NCKAP1L: variants seen among roughly 807,000 people sequenced by gnomAD.
The protein encoded by NCKAP1L is NCK associated protein 1 like, also known as nck-associated protein 1-like.
In NCKAP1L, 53 loss-of-function variants were observed where a neutral mutation model predicts 139.2. The observed-to-expected ratio is 0.38, with a 90% CI of 0.31 to 0.48. NCKAP1L has a LOEUF of 0.48. Among genes scored for constraint, NCKAP1L ranks in the 20% least tolerant of loss-of-function variants. The pLI, the probability that NCKAP1L is intolerant of heterozygous loss-of-function variation, is 0.98. For synonymous variants in NCKAP1L, 468 were observed against 499.7 expected, an observed-to-expected ratio of 0.94 and a Z score of 0.85; for missense variants, 1,151 against 1,381.9, an observed-to-expected ratio of 0.83 and a Z score of 2.65.
chr12:54,530,360 G>A (rs912452446), intron 22 of NCKAP1L, among the ~76,000 whole-genome samples: 2 of 152,230 alleles, frequency 1.3e-5, no homozygotes, highest in African/African-American at 4.8e-5. Flanking sequence ...GATTTCCCCA[G>A]GCAGGCTTTA....
chr12:54,526,656 C>T lies in NCKAP1L; in HGVS notation c.2285C>T (p.Ala762Val). The T allele has an allele frequency of 1.2e-6, 2 of 1,614,128 alleles. No individual in the cohort carries two copies. The highest frequency in any genetic ancestry group is 1.1e-5 in the South Asian group (1 of 91,080). The change falls in exon 21 of 31, where the codon GCT becomes GTT. Residue 762 changes from alanine to valine, a missense_variant. Ala to Val is a moderately conservative substitution (Grantham distance 64). Transcript: ENST00000293373. The part of the protein sequence containing the change: ...QSLAQFLGAD[A>V]SRVIRNALLQ... The stretch of plus-strand genomic sequence containing the variant: ...CTGGCCCAGTTTTTGGGTGCAGATG[C>T]TTCCAGAGTCATCCGCAACGCCCTC...
At chr12:54,498,879 T>C (rs1956772185) in intron 1 of NCKAP1L, 1 of 829,800 alleles carries the variant, frequency 1.2e-6, no homozygotes, top group South Asian at 5.6e-5. Flanking sequence ...GTCTTGGAAT[T>C]TTTTCTTGAC....
At chr12:54,507,723 A>C in intron 3 of NCKAP1L, 130 bp from the exon 4 acceptor site, 1 of 812,146 alleles carries the variant, frequency 1.2e-6, no homozygotes, top group South Asian at 1.6e-5. Context: ...TCTTTTTCAC[A>C]GTGACTTTTC....
chr12:54,508,741 A>AT (rs1343607560), intron 5 of NCKAP1L, among the ~76,000 whole-genome samples: 1 of 152,136 alleles, frequency 6.6e-6, no homozygotes, highest in Non-Finnish European at 1.5e-5. Context: ...TTATACATGG[A>AT]TTTTTTTCAA....
chr12:54,517,951 A>T lies in NCKAP1L; in HGVS notation c.1338+13A>T, dbSNP rs750334990. 2.7e-5 allele frequency: 43 copies of T among 1,613,800 alleles called. No homozygotes were observed. The Admixed American group carries it at 6.5e-4, about 24-fold the overall frequency. ...TGACATCATTCAGGTATGATATTTA[A>T]TTGATTATACTTTGGAAATTTCAGG... On this transcript the variant is annotated intron_variant, in intron 13 of 30. Coordinates refer to ENST00000293373, the MANE Select transcript of NCKAP1L (RefSeq NM_005337.5).
At chr12:54,538,126 C>G (rs1375406855) in intron 29 of NCKAP1L, among the ~76,000 whole-genome samples, 2 of 152,158 alleles carry the variant, frequency 1.3e-5, no homozygotes. Context: ...TGTCTCCTTC[C>G]AGGAGGAAAC....
intron 20 of NCKAP1L, among the ~76,000 whole-genome samples, chr12:54,524,174 T>C (rs915457203): frequency 6.6e-6 from 1 of 152,186 alleles, no homozygotes; most frequent in Non-Finnish European, 1.5e-5. Context: ...TAGGTGGTTT[T>C]GATGAACACC....
chr12:54,537,868 T>G (rs1285097524), intron 29 of NCKAP1L, among the ~76,000 whole-genome samples: 1 of 152,202 alleles, frequency 6.6e-6, no homozygotes, highest in Non-Finnish European at 1.5e-5. Flanking sequence ...TTAAAAAAAA[T>G]GTTAAAAATT....
Position 54,531,293 on chromosome 12 carries a change from A to C in NCKAP1L, c.2540A>C (p.Tyr847Ser), listed in dbSNP as rs770938032. 1 of 1,614,020 alleles carries C rather than the reference A, an allele frequency of 6.2e-7. No individual in the cohort carries two copies. The highest frequency in any genetic ancestry group is 8.5e-7 in the Non-Finnish European group (1 of 1,179,996). Reference protein sequence around the residue: ...MRALAELLGPYGMKFLSENLM... With the variant: ...MRALAELLGPSGMKFLSENLM... ...GCCTTGGCAGAACTCCTGGGCCCCT[A>C]TGGCATGAAGTTCCTGAGTGAAAAC... Residue 847 changes from tyrosine to serine, a missense_variant, in exon 23 of 31, where the codon TAT (tyrosine) becomes TCT (serine). Physicochemically the swap from Tyr to Ser is moderately radical, Grantham distance 144 (BLOSUM62 -2). Coordinates refer to ENST00000293373, the MANE Select transcript of NCKAP1L (RefSeq NM_005337.5).
intron 20 of NCKAP1L, among the ~76,000 whole-genome samples, chr12:54,525,268 G>C (rs1200469217): frequency 6.6e-6 from 1 of 152,218 alleles, no homozygotes; most frequent in Non-Finnish European, 1.5e-5. Context: ...ATTAGCGGGG[G>C]CAAGGACAGA....
chr12:54,532,108 T>A, intron 25 of NCKAP1L, 62 bp from the exon 26 acceptor site: 6 of 1,174,728 alleles, frequency 5.1e-6, no homozygotes, highest in Non-Finnish European at 7.3e-6. Context: ...TTTTTATTTC[T>A]ACCTATTTTT....
At chr12:54,536,698 C>G (rs1311854544) in intron 28 of NCKAP1L, 1 of 374,934 alleles carries the variant, frequency 2.7e-6, no homozygotes, top group Non-Finnish European at 4.6e-6. Context: ...AACAAAACAC[C>G]AAAACACCCC....
In NCKAP1L at chr12:54,499,442, A is replaced by C; in HGVS notation, c.190A>C (p.Asn64His). Residue 64 changes from asparagine to histidine, a missense_variant, in exon 2 of 31, where the codon AAC becomes CAC. Coordinates refer to ENST00000293373, the MANE Select transcript of NCKAP1L (RefSeq NM_005337.5). ...SLKYINKKFP[N>H]IDVRNSTQHL... The stretch of plus-strand genomic sequence containing the variant: ...CAAGTATATCAACAAGAAATTTCCC[A>C]ACATAGATGTCCGAAACAGCACGGT... The C allele has an allele frequency of 6.3e-7, 1 of 1,599,262 alleles. No individual in the cohort carries two copies. The highest frequency in any genetic ancestry group is 1.1e-5 in the South Asian group (1 of 90,788).
intron 9 of NCKAP1L, among the ~76,000 whole-genome samples, chr12:54,514,626 A>G (rs1956916535): frequency 6.6e-6 from 1 of 152,164 alleles, no homozygotes; most frequent in Non-Finnish European, 1.5e-5. Context: ...CCTGGCCTTG[A>G]ATCTGTGAAT....
At chr12:54,505,982 G>A (rs1956836950) in intron 3 of NCKAP1L, among the ~76,000 whole-genome samples, 3 of 152,130 alleles carry the variant, frequency 2.0e-5, no homozygotes, top group Admixed American at 1.3e-4. Context: ...TTTTTGCTGA[G>A]AACTATTCCA....
At chr12:54,528,523 A>C in intron 22 of NCKAP1L, 146 bp downstream of exon 22, 2 of 942,852 alleles carry the variant, frequency 2.1e-6, no homozygotes, top group Non-Finnish European at 3.1e-6. Context: ...TTACTTTTGC[A>C]CCAACCTAAT....
intron 5 of NCKAP1L, 124 bp downstream of exon 5, chr12:54,508,655 C>A: frequency 9.9e-7 from 1 of 1,012,188 alleles, no homozygotes; most frequent in Non-Finnish European, 1.5e-6. Flanking sequence ...CTACATTGAC[C>A]CAGGCAAAAT....
intron 9 of NCKAP1L, among the ~76,000 whole-genome samples, chr12:54,513,967 GATGT>G (rs1956908931): frequency 1.2e-5 from 1 of 82,366 alleles, no homozygotes; most frequent in South Asian, 5.3e-4. Flanking sequence ...GCATCCTTCA[GATGT>G]GTGTGTGTGT....
Position 54,509,652 on chromosome 12 carries a change from C to G in NCKAP1L, c.507-17C>G, listed in dbSNP as rs1215816451. The G allele has an allele frequency of 6.3e-7, 1 of 1,585,188 alleles. No individual in the cohort carries two copies. Among genetic ancestry groups the G allele is most frequent in the South Asian group, 1.1e-5 (1 of 90,478 alleles). ...GGTAAGGGAGGGCTGTAACCCCTCT[C>G]CTCTGCTTTCTTCTAGTGACCCCAG... On this transcript the variant is annotated splice_polypyrimidine_tract_variant and intron_variant, in intron 5 of 30. Coordinates refer to ENST00000293373, the MANE Select transcript of NCKAP1L (RefSeq NM_005337.5).
Sources: allele counts gnomAD v4.1 joint callset (sites outside exome capture counted in the v4.1 genomes callset), GRCh38; gene constraint gnomAD v4.1.1; transcripts MANE v1.5; gene names NCBI Gene and HGNC (gene_info 2026-07-23, HGNC 2026-07-21).